The following BCL2L13 variants were observed in gnomAD, a reference collection of about 807,000 sequenced individuals.
BCL2L13 encodes BCL2 like 13, also known as bcl-2-like protein 13.
In BCL2L13, 13 loss-of-function variants were observed where a neutral mutation model predicts 25.8. The observed-to-expected ratio is 0.50, with a 90% CI of 0.33 to 0.80. BCL2L13 has a LOEUF of 0.80. Ranked by LOEUF, BCL2L13 falls within the 30% of genes least tolerant of loss-of-function variation. The pLI is 0.02. For synonymous variants in BCL2L13, 244 were observed against 230.3 expected (o/e 1.06, Z -0.54); for missense variants, 504 against 574.9 (o/e 0.88, Z 1.26).
At chr22:17,704,635 G>T (rs2145723388) in intron 6 of BCL2L13, among the ~76,000 whole-genome samples, 1 of 152,044 alleles carries the variant, frequency 6.6e-6, no homozygotes, top group South Asian at 2.1e-4. Flanking sequence ...AATCATCTGG[G>T]TGTGGCTGAA....
chr22:17,684,819 G>A (rs2059865296), intron 3 of BCL2L13: 5 of 338,102 alleles, frequency 1.5e-5, no homozygotes, highest in Non-Finnish European at 2.9e-5. Flanking sequence ...TGCAAGCTCC[G>A]CCTCCTGGGT....
chr22:17,717,664 A>AT (rs2060985939), intron 6 of BCL2L13, among the ~76,000 whole-genome samples: 1 of 152,188 alleles, frequency 6.6e-6, no homozygotes, highest in Non-Finnish European at 1.5e-5. Context: ...ACAGTTCCTG[A>AT]TAAGAAGAAG....
intron 3 of BCL2L13, among the ~76,000 whole-genome samples, chr22:17,684,058 C>T (rs1029894451): frequency 4.6e-5 from 7 of 152,000 alleles, no homozygotes; most frequent in South Asian, 2.1e-4. Flanking sequence ...GCATTATTTC[C>T]GGTTTTGTCT....
At position 17,727,565 on chromosome 22, in the gene BCL2L13, T is replaced by C. The variant is rs1205059069; in HGVS notation, c.*31T>C. ...TTTTCAGAAGAGAAAGACAGAAGGA[T>C]GTAAGGTTGGAGTTGTATTGGCTGG... On this transcript the variant is annotated 3_prime_UTR_variant, in exon 7 of 7. Transcript: ENST00000317582. 1.2e-6 allele frequency: 2 copies of C among 1,609,284 alleles called. No homozygotes were observed. The highest frequency in any genetic ancestry group is 1.7e-6 in the Non-Finnish European group (2 of 1,177,324).
intron 1 of BCL2L13, among the ~76,000 whole-genome samples, chr22:17,654,067 G>T (rs2058771179): frequency 6.6e-6 from 1 of 152,006 alleles, no homozygotes; most frequent in South Asian, 2.1e-4. Context: ...TGTGTTGAAT[G>T]AACACAAAAA....
At chr22:17,655,535 C>T in intron 1 of BCL2L13, 127 bp from the exon 2 acceptor site, 1 of 623,280 alleles carries the variant, frequency 1.6e-6, no homozygotes, top group South Asian at 3.2e-5. Context: ...CGCCACTGCA[C>T]TCCTGCCTGA....
At chr22:17,662,696 A>G (rs1416701306) in intron 2 of BCL2L13, among the ~76,000 whole-genome samples, 2 of 151,904 alleles carry the variant, frequency 1.3e-5, no homozygotes, top group Admixed American at 1.3e-4. Context: ...GTGCGCACCC[A>G]TAATCCCAGC....
At position 17,707,009 on chromosome 22, in the gene BCL2L13, G is replaced by A. The variant is rs563805192; in HGVS notation, c.600+4623G>A. Among the ~76,000 whole-genome samples, 53 of 152,218 alleles carry A rather than the reference G, an allele frequency of 3.5e-4. 1 individual carries two copies. Among genetic ancestry groups the A allele is most frequent in the Admixed American group, 3.1e-3 (47 of 15,278 alleles). ...ACATGAAGCTTCTGATTTTAGAATA[G>A]GTTTTTGTTTGTTTAATCTAGGATA... On this transcript the variant is annotated intron_variant, in intron 6 of 6. Coordinates refer to ENST00000317582, the MANE Select transcript of BCL2L13 (RefSeq NM_015367.4).
chr22:17,656,279 T>C (rs1018435852), intron 2 of BCL2L13, among the ~76,000 whole-genome samples: 1 of 149,680 alleles, frequency 6.7e-6, no homozygotes. Context: ...TAACCCGTTA[T>C]GCCATTCTTT....
chr22:17,686,206 T>C (rs980927243), intron 3 of BCL2L13, among the ~76,000 whole-genome samples: 1 of 152,042 alleles, frequency 6.6e-6, no homozygotes, highest in African/African-American at 2.4e-5. Flanking sequence ...CCCAGCACTT[T>C]GGGAGGCTGA....
At chr22:17,640,921 C>T (rs139335125) in intron 1 of BCL2L13, among the ~76,000 whole-genome samples, 2,214 of 148,684 alleles carry the variant, frequency 0.015, 57 homozygotes, top group African/African-American at 0.051. Flanking sequence ...GGCGGAGTGT[C>T]GCTCTGTCGC....
At chr22:17,719,954 A>G (rs984963669) in intron 6 of BCL2L13, among the ~76,000 whole-genome samples, 13 of 152,038 alleles carry the variant, frequency 8.6e-5, no homozygotes, top group African/African-American at 3.1e-4. Flanking sequence ...CTCCATTTCT[A>G]CTTCTCAGAA....
At chr22:17,635,098 C>T (rs1010226224), upstream of BCL2L13, among the ~76,000 whole-genome samples, 3 of 152,018 alleles carry the variant, frequency 2.0e-5, no homozygotes, top group Admixed American at 6.6e-5. Context: ...AAAACTCCCC[C>T]GAAAACTGAC....
chr22:17,705,589 G>A (rs1480251831), intron 6 of BCL2L13, among the ~76,000 whole-genome samples: 3 of 151,762 alleles, frequency 2.0e-5, no homozygotes, highest in African/African-American at 7.3e-5. Flanking sequence ...GAGCCACCGC[G>A]CCCGGCCGAT....
At chr22:17,662,417 G>T (rs565291747) in intron 2 of BCL2L13, among the ~76,000 whole-genome samples, 74 of 152,344 alleles carry the variant, frequency 4.9e-4, no homozygotes, top group Non-Finnish European at 8.7e-4. Context: ...GGCAGAGGTT[G>T]CAGTGAGCTG....
chr22:17,633,042 C>G (rs1349668571), intron 1 of BCL2L13, among the ~76,000 whole-genome samples: 3 of 152,178 alleles, frequency 2.0e-5, no homozygotes, highest in Non-Finnish European at 4.4e-5. Context: ...GCATGAGCCA[C>G]TGCGCCTGAC....
intron 6 of BCL2L13, among the ~76,000 whole-genome samples, chr22:17,726,044 G>A (rs974260334): frequency 6.6e-6 from 1 of 152,044 alleles, no homozygotes; most frequent in Non-Finnish European, 1.5e-5. Flanking sequence ...TGTCATTTCA[G>A]CACTCAAAAA....
intron 2 of BCL2L13, among the ~76,000 whole-genome samples, chr22:17,658,202 A>C (rs2058948799): frequency 2.0e-5 from 3 of 151,496 alleles, no homozygotes; most frequent in Non-Finnish European, 4.4e-5. Context: ...AGCAAATTTT[A>C]ATTCATTTTT....
intron 3 of BCL2L13, among the ~76,000 whole-genome samples, chr22:17,685,257 G>T (rs2059890557): frequency 6.6e-6 from 1 of 151,980 alleles, no homozygotes; most frequent in Non-Finnish European, 1.5e-5. Flanking sequence ...ACATCGCCTT[G>T]CTCTGTTGCA....
Sources: gnomAD v4.1 joint callset for allele counts (sites outside exome capture counted in the v4.1 genomes callset) on GRCh38, gnomAD v4.1.1 for gene constraint, MANE v1.5 for transcripts, NCBI Gene and HGNC (gene_info 2026-07-23, HGNC 2026-07-21) for gene names.